The following GLI3 variants were observed in gnomAD, a reference collection of about 807,000 sequenced individuals.
GLI3 encodes the protein GLI family zinc finger 3.
In GLI3, 20 loss-of-function variants were observed where a neutral mutation model predicts 100.8. The observed-to-expected ratio is 0.20, with a 90% confidence interval of 0.14 to 0.29. The LOEUF (loss-of-function observed/expected upper bound fraction) is 0.29. Among genes scored for constraint, GLI3 ranks in the 10% least tolerant of loss-of-function variants. The pLI is 1.00. For missense variants in GLI3, 2,040 were observed against 2,128.5 expected, an observed-to-expected ratio of 0.96 and a Z score of 0.82; for synonymous variants, 938 against 860.5, an observed-to-expected ratio of 1.09 and a Z score of -1.58.
At chr7:42,086,292 G>A (rs1785100079) in intron 3 of GLI3, among the ~76,000 whole-genome samples, 2 of 152,098 alleles carry the variant, frequency 1.3e-5, no homozygotes, top group Non-Finnish European at 2.9e-5. Flanking sequence ...CAGTGTTACA[G>A]GGGGAGACAG....
At chr7:42,172,678 A>G (rs1056271309) in intron 2 of GLI3, 5 of 700,398 alleles carry the variant, frequency 7.1e-6, no homozygotes, top group African/African-American at 3.5e-5. Context: ...TGGGCCTCCA[A>G]ATGGTTGCCT....
intron 10 of GLI3, among the ~76,000 whole-genome samples, chr7:42,005,223 A>G (rs554896282): frequency 4.8e-4 from 73 of 151,756 alleles, no homozygotes; most frequent in African/African-American, 1.8e-3. Context: ...TTTGGGCTTT[A>G]AAAAAATAGT....
chr7:42,124,083 C>T (rs1357079073), intron 3 of GLI3, among the ~76,000 whole-genome samples: 1 of 152,110 alleles, frequency 6.6e-6, no homozygotes. Flanking sequence ...TCTTGCCTTC[C>T]ATTATTTACT....
intron 2 of GLI3, among the ~76,000 whole-genome samples, chr7:42,160,382 T>C (rs909789513): frequency 2.4e-4 from 36 of 152,230 alleles, no homozygotes; most frequent in Non-Finnish European, 3.7e-4. Context: ...ATATACATAA[T>C]GAGATATCTT....
At chr7:42,204,821 T>C (rs1788116683) in intron 2 of GLI3, among the ~76,000 whole-genome samples, 1 of 152,248 alleles carries the variant, frequency 6.6e-6, no homozygotes, top group African/African-American at 2.4e-5. Flanking sequence ...AAAGTTCTAT[T>C]GTATGCACGA....
chr7:42,159,643 G>A (rs1050850723), intron 2 of GLI3, among the ~76,000 whole-genome samples: 10 of 152,156 alleles, frequency 6.6e-5, no homozygotes, highest in South Asian at 2.1e-4. Flanking sequence ...ACTAACAAGC[G>A]TCTTTTCAAT....
rs1562657471 is a variant in GLI3, at chr7:41,965,071, G to T, written c.4002C>A (p.His1334Gln). 3 of 1,613,750 alleles carry T rather than the reference G, an allele frequency of 1.9e-6. No homozygotes were observed. The highest frequency in any genetic ancestry group is 2.5e-6 in the Non-Finnish European group (3 of 1,180,034). The change falls in exon 15 of 15, where the codon CAC (histidine) becomes CAA (glutamine). Residue 1334 changes from histidine to glutamine, a missense_variant. This residue lies in a region of GLI3 where 1,041 missense variants were observed against 924.0 expected (regional missense o/e 1.13). Coordinates refer to ENST00000395925, the MANE Select transcript of GLI3 (RefSeq NM_000168.6). ...AHQLLGDSMQ[H>Q]PGAGRPGQQM... Reference sequence around the variant, plus strand: ...GCTGACCGGGGCGGCCTGCCCCCGGGTGCTGCATGCTGTCGCCGAGGAGCT... The same window carrying T: ...GCTGACCGGGGCGGCCTGCCCCCGGTTGCTGCATGCTGTCGCCGAGGAGCT...
chr7:42,109,451 A>T (rs1785651886), intron 3 of GLI3, among the ~76,000 whole-genome samples: 3 of 152,336 alleles, frequency 2.0e-5, no homozygotes, highest in African/African-American at 7.2e-5. Flanking sequence ...ATGCACCAGA[A>T]AGCCTTGGGA....
chr7:42,159,951 A>T (rs1478519618), intron 2 of GLI3, among the ~76,000 whole-genome samples: 2 of 152,194 alleles, frequency 1.3e-5, no homozygotes, highest in Non-Finnish European at 2.9e-5. Flanking sequence ...ACTGCCATGT[A>T]GTATAATAAG....
chr7:42,098,778 A>G (rs1785395269), intron 3 of GLI3, among the ~76,000 whole-genome samples: 1 of 152,212 alleles, frequency 6.6e-6, no homozygotes, highest in South Asian at 2.1e-4. Context: ...CAGCTACCCC[A>G]AGAGAAAACG....
At chr7:42,254,767 C>T (rs902668799) in intron 1 of GLI3, among the ~76,000 whole-genome samples, 10 of 151,580 alleles carry the variant, frequency 6.6e-5, no homozygotes, top group East Asian at 1.9e-4. Context: ...TTCCACTTTT[C>T]GGTCTGTTCT....
intron 10 of GLI3, among the ~76,000 whole-genome samples, chr7:41,988,467 A>C (rs1451344541): frequency 1.1e-4 from 4 of 35,232 alleles, no homozygotes; most frequent in Non-Finnish European, 8.1e-5. Flanking sequence ...CCATCTCAAA[A>C]AAAAAAAGGG....
intron 10 of GLI3, among the ~76,000 whole-genome samples, chr7:42,014,728 C>G (rs1198458247): frequency 6.6e-6 from 1 of 152,186 alleles, no homozygotes; most frequent in South Asian, 2.1e-4. Context: ...GCTCCCCTTA[C>G]TCAAAGGGAT....
intron 1 of GLI3, among the ~76,000 whole-genome samples, chr7:42,235,407 C>A (rs1283975900): frequency 6.6e-6 from 1 of 152,158 alleles, no homozygotes; most frequent in African/African-American, 2.4e-5. Flanking sequence ...GAAAAGAGCT[C>A]ATTTCAGACG....
At chr7:42,075,592 T>C (rs1004520578) in intron 4 of GLI3, among the ~76,000 whole-genome samples, 1 of 152,218 alleles carries the variant, frequency 6.6e-6, no homozygotes, top group African/African-American at 2.4e-5. Flanking sequence ...TGTGTTCCAG[T>C]GAAAACTCAA....
chr7:42,134,718 A>G (rs1786384425), intron 3 of GLI3, among the ~76,000 whole-genome samples: 2 of 152,134 alleles, frequency 1.3e-5, no homozygotes, highest in African/African-American at 2.4e-5. Context: ...ATTAGACAAT[A>G]AACTATGTGC....
At chr7:42,139,330 G>C (rs1434059009) in intron 3 of GLI3, among the ~76,000 whole-genome samples, 1 of 152,284 alleles carries the variant, frequency 6.6e-6, no homozygotes, top group Non-Finnish European at 1.5e-5. Flanking sequence ...ACCTATTACA[G>C]AGCAGCTCAG....
At chr7:42,174,718 G>A (rs1787444264) in intron 2 of GLI3, among the ~76,000 whole-genome samples, 1 of 152,192 alleles carries the variant, frequency 6.6e-6, no homozygotes, top group Non-Finnish European at 1.5e-5. Context: ...TTGATGAACT[G>A]TGTTCATCAA....
intron 3 of GLI3, among the ~76,000 whole-genome samples, chr7:42,141,052 G>A (rs984544721): frequency 2.6e-5 from 4 of 152,202 alleles, no homozygotes; most frequent in Non-Finnish European, 4.4e-5. Context: ...GAATCTTTAA[G>A]CAACTGGATT....
Sources: gnomAD v4.1 joint callset for allele counts (sites outside exome capture counted in the v4.1 genomes callset) on GRCh38, gnomAD v4.1.1 for gene constraint, gnomAD v4.1.1 regional missense constraint, MANE v1.5 for transcripts, NCBI Gene and HGNC (gene_info 2026-07-23, HGNC 2026-07-21) for gene names.